Variants in RABEP2 observed in about 807,000 individuals in gnomAD.
RABEP2 encodes rabaptin, RAB GTPase binding effector protein 2.
RABEP2 carries 57 observed loss-of-function variants against 74.1 expected under a neutral mutation model. The ratio of observed to expected loss-of-function variants is 0.77; its 90% CI spans 0.62 to 0.96. The LOEUF is 0.96. Ranked by LOEUF, RABEP2 falls within the 40% of genes least tolerant of loss-of-function variation. RABEP2 has a pLI of 0.00. For synonymous variants in RABEP2, 351 were observed against 344.0 expected (o/e 1.02, Z -0.23); for missense variants, 692 against 756.3 (o/e 0.91, Z 1.00).
chr16:28,906,566 AC>A (rs1964237709), intron 8 of RABEP2, among the ~76,000 whole-genome samples: 1 of 152,052 alleles, frequency 6.6e-6, no homozygotes, highest in Admixed American at 6.6e-5. Flanking sequence ...GGAGTTCGAG[AC>A]CAGCCTGGCC....
rs377656608 is a variant in RABEP2 at position 28,904,953 on chromosome 16, T to C, written c.1700A>G (p.Lys567Arg). 58 of 1,611,776 alleles carry C rather than the reference T, an allele frequency of 3.6e-5. No homozygotes were observed. The highest frequency in any genetic ancestry group is 4.8e-5 in the Non-Finnish European group (57 of 1,178,808). The change falls in exon 13 of 13, where the codon AAG becomes AGG. Residue 567 changes from lysine (K) to arginine (R), a missense_variant. Coordinates refer to ENST00000358201, the MANE Select transcript of RABEP2 (RefSeq NM_024816.3). ...GGATATCCTGACCCCTCAGGTGTCC[T>C]TGATGTCCCTGACGTCCGTGAGTGG... ...EAPLTDVRDI[K>R]DT
In RABEP2 at chr16:28,904,670, G is replaced by A. The variant is rs1388732324; in HGVS notation, c.*273C>T. ...GGGGAGGGCTGGAGCCCAGGAGGCA[G>A]CACAGCAGCCAGAAAGCCGCAGGCC... On this transcript the variant is annotated 3_prime_UTR_variant, in exon 13 of 13. Coordinates refer to ENST00000358201, the MANE Select transcript of RABEP2 (RefSeq NM_024816.3). 2 of 701,322 alleles carry A rather than the reference G, an allele frequency of 2.9e-6. No homozygotes were observed. The highest frequency in any genetic ancestry group is 4.4e-6 in the Non-Finnish European group (2 of 451,262). 43.4% of individuals were successfully genotyped at this position (701,322 alleles called of 1,614,324 possible). A position where few individuals can be genotyped will look rare whatever the true frequency, so the allele number is the denominator to read the frequency against.
At chr16:28,922,959 A>G (rs1222476986) in intron 2 of RABEP2, among the ~76,000 whole-genome samples, 1 of 152,076 alleles carries the variant, frequency 6.6e-6, no homozygotes, top group Admixed American at 6.6e-5. Flanking sequence ...TTTTCCAGCT[A>G]TATGACCTTG....
chr16:28,909,441 G>A (rs1224242929), intron 7 of RABEP2, among the ~76,000 whole-genome samples: 1 of 152,100 alleles, frequency 6.6e-6, no homozygotes, highest in Non-Finnish European at 1.5e-5. Context: ...AGCCAGGCGT[G>A]GTGCCACACA....
At chr16:28,914,131 G>A in intron 5 of RABEP2, 105 bp downstream of exon 5, 1 of 962,974 alleles carries the variant, frequency 1.0e-6, no homozygotes, top group Non-Finnish European at 1.5e-6. Context: ...TCTTCTCCCT[G>A]TGGAAGCTCC....
intron 8 of RABEP2, among the ~76,000 whole-genome samples, chr16:28,907,578 C>T (rs983867897): frequency 2.6e-5 from 4 of 152,084 alleles, no homozygotes; most frequent in African/African-American, 4.8e-5. Context: ...TGATTACAGG[C>T]GTGAGCCACT....
Position 28,919,824 on chromosome 16 carries a change from C to T in RABEP2, c.394G>A (p.Ala132Thr). Reference protein sequence around the residue: ...LGRLKQLLSRAYPLDSLEKQM... With the variant: ...LGRLKQLLSRTYPLDSLEKQM... ...TTCTCCAGGGAGTCCAGGGGGTAGG[C>T]CCGGGACAGCAGCTGCTTCAGGCGG... is the stretch of plus-strand genomic sequence containing the variant. The change falls in exon 3 of 13, where the codon GCC becomes ACC. Residue 132 changes from alanine to threonine, a missense_variant. Transcript: ENST00000358201. The T allele has an allele frequency of 6.2e-7, 1 of 1,611,932 alleles. No individual in the cohort carries two copies. Among genetic ancestry groups the T allele is most frequent in the Non-Finnish European group, 8.5e-7 (1 of 1,179,044 alleles).
At chr16:28,916,987 C>CAA (rs568583339) in intron 3 of RABEP2, among the ~76,000 whole-genome samples, 8 of 92,294 alleles carry the variant, frequency 8.7e-5, no homozygotes, top group African/African-American at 1.2e-4. Context: ...GACTCCATCT[C>CAA]AAAAAAAAAA....
intron 5 of RABEP2, among the ~76,000 whole-genome samples, chr16:28,911,949 A>T (rs537362662): frequency 4.3e-4 from 65 of 151,478 alleles, no homozygotes; most frequent in African/African-American, 1.5e-3. Context: ...ACTCCATCTT[A>T]AAAAAAGTGG....
chr16:28,912,503 T>G (rs1183247194), intron 5 of RABEP2, among the ~76,000 whole-genome samples: 1 of 149,774 alleles, frequency 6.7e-6, no homozygotes, highest in Non-Finnish European at 1.5e-5. Context: ...ATCGACCTCC[T>G]GGGCTCAAGC....
chr16:28,906,144 T>C lies in RABEP2; in HGVS notation c.1298A>G (p.Gln433Arg). The change falls in exon 9 of 13, where the codon CAG becomes CGG. Residue 433 changes from glutamine to arginine, a missense_variant. By Grantham distance (43) the Gln-to-Arg change is conservative. Coordinates refer to ENST00000358201, the MANE Select transcript of RABEP2 (RefSeq NM_024816.3). ...CTRQEARARL[Q>R]AQEHGAERLR... Reference sequence around the variant, plus strand: ...GCGCTCGGCCCCGTGCTCCTGGGCCTGCAGCCGGGCCCTCGCCTCTTGCCG... The same window carrying C: ...GCGCTCGGCCCCGTGCTCCTGGGCCCGCAGCCGGGCCCTCGCCTCTTGCCG... 6.3e-7 allele frequency: 1 copy of C among 1,584,612 alleles called. No homozygotes were observed. Among genetic ancestry groups the C allele is most frequent in the Non-Finnish European group, 8.5e-7 (1 of 1,169,650 alleles).
intron 1 of RABEP2, 148 bp downstream of exon 1, chr16:28,924,955 C>A (rs1314641354): frequency 2.0e-6 from 2 of 1,008,948 alleles, no homozygotes; most frequent in African/African-American, 3.2e-5. Flanking sequence ...CCCCTTTTGC[C>A]TGTGGCTGTA....
chr16:28,908,192 C>T (rs1964262306), intron 8 of RABEP2, among the ~76,000 whole-genome samples: 1 of 152,164 alleles, frequency 6.6e-6, no homozygotes, highest in Non-Finnish European at 1.5e-5. Context: ...CCGCCCGCCT[C>T]AGCTTCTCAA....
chr16:28,922,720 A>G (rs1376064298), intron 2 of RABEP2, among the ~76,000 whole-genome samples: 1 of 150,922 alleles, frequency 6.6e-6, no homozygotes, highest in East Asian at 1.9e-4. Context: ...GTAAGACTCC[A>G]TCTCAAAAGA....
chr16:28,914,576 C>G lies in RABEP2; in HGVS notation c.554G>C (p.Arg185Pro), dbSNP rs571421473. 1.9e-6 allele frequency: 3 copies of G among 1,608,240 alleles called. No individual in the cohort carries two copies. Among genetic ancestry groups the G allele is most frequent in the South Asian group, 1.1e-5 (1 of 90,590 alleles). Residue 185 changes from arginine (R) to proline (P), a missense_variant, in exon 5 of 13, where the codon CGG becomes CCG. Arg to Pro is a moderately radical substitution (Grantham distance 103). Coordinates refer to ENST00000358201, the MANE Select transcript of RABEP2 (RefSeq NM_024816.3). Reference protein sequence around the residue: ...ELIQEIQRRPRHAPSLHGSTE... With the variant: ...ELIQEIQRRPPHAPSLHGSTE... The stretch of plus-strand genomic sequence containing the variant: ...GGAGCCGTGCAGGGAAGGGGCATGC[C>G]GGGGACGTCTCTAGGGAAGGGGGCA...
At position 28,905,676 on chromosome 16, in the gene RABEP2, C is replaced by G; in HGVS notation, c.1491+28G>C. 1.9e-6 allele frequency: 3 copies of G among 1,611,734 alleles called. No homozygotes were observed. The South Asian group carries it at 3.3e-5, about 18-fold the overall frequency. On this transcript the variant is annotated intron_variant, in intron 11 of 12. Coordinates refer to ENST00000358201, the MANE Select transcript of RABEP2 (RefSeq NM_024816.3). ...TCTTTTCCACAGCTGGGTCCCTCTC[C>G]TCCCAGTCCCCCTGCCCTCCCCCTC... is the stretch of plus-strand genomic sequence containing the variant.
chr16:28,916,003 C>A (rs548248334), intron 3 of RABEP2, among the ~76,000 whole-genome samples: 2 of 152,136 alleles, frequency 1.3e-5, no homozygotes, highest in Non-Finnish European at 2.9e-5. Context: ...CCACGCCCAG[C>A]TAATTTTTTT....
intron 3 of RABEP2, among the ~76,000 whole-genome samples, chr16:28,915,847 TTTTTC>T (rs1273378457): frequency 4.0e-5 from 6 of 150,022 alleles, no homozygotes; most frequent in African/African-American, 1.5e-4. Flanking sequence ...AGGACAACTT[TTTTTC>T]TTTTAATAAG....
At chr16:28,912,690 C>A (rs541278784) in intron 5 of RABEP2, among the ~76,000 whole-genome samples, 1 of 152,020 alleles carries the variant, frequency 6.6e-6, no homozygotes, top group Non-Finnish European at 1.5e-5. Flanking sequence ...TGAGATTACA[C>A]GCGTGAGCCA....
Sources: allele counts gnomAD v4.1 joint callset (sites outside exome capture counted in the v4.1 genomes callset), GRCh38; gene constraint gnomAD v4.1.1; transcripts MANE v1.5; gene names NCBI Gene and HGNC (gene_info 2026-07-23, HGNC 2026-07-21).